MICAL2: variants seen among roughly 807,000 people sequenced by gnomAD.
The protein encoded by MICAL2 is [F-actin]-monooxygenase MICAL2.
MICAL2 carries 77 observed loss-of-function variants against 127.3 expected under a neutral mutation model. The observed-to-expected ratio is 0.60, with a 90% CI of 0.50 to 0.73. MICAL2 has a LOEUF of 0.73. Ranked by LOEUF, MICAL2 falls within the 30% of genes least tolerant of loss-of-function variation. The pLI is 0.00. For synonymous variants in MICAL2, 570 were observed against 551.1 expected (o/e 1.03, Z -0.48); for missense variants, 1,351 against 1,434.4 (o/e 0.94, Z 0.94).
chr11:12,238,814 C>G (rs981558308), intron 16 of MICAL2, among the ~76,000 whole-genome samples: 3 of 152,178 alleles, frequency 2.0e-5, no homozygotes, highest in Non-Finnish European at 4.4e-5. Context: ...TATGCAGGGA[C>G]AGTCTGTGCT....
At chr11:12,143,692 T>G (rs888347493) in intron 2 of MICAL2, among the ~76,000 whole-genome samples, 3 of 152,202 alleles carry the variant, frequency 2.0e-5, no homozygotes, top group African/African-American at 7.2e-5. Flanking sequence ...TGTGAGTTCC[T>G]GCGCAGATTG....
intron 29 of MICAL2, among the ~76,000 whole-genome samples, chr11:12,300,623 G>A (rs1413839611): frequency 6.6e-6 from 1 of 152,138 alleles, no homozygotes; most frequent in African/African-American, 2.4e-5. Flanking sequence ...CAGCTGACAA[G>A]CAGCAAGAAA....
At chr11:12,313,961 ATTTTT>A (rs60681621) in intron 29 of MICAL2, among the ~76,000 whole-genome samples, 20 of 43,780 alleles carry the variant, frequency 4.6e-4, no homozygotes, top group South Asian at 1.5e-3. Context: ...TCTTGGTCTG[ATTTTT>A]TTTTTTTTTT....
intron 34 of MICAL2, among the ~76,000 whole-genome samples, chr11:12,357,337 T>C (rs1493967): frequency 0.87 from 132,836 of 152,220 alleles, 58,169 homozygotes; most frequent in East Asian, 0.94. Flanking sequence ...TACTACTTGT[T>C]TCCTACTCTG....
intron 29 of MICAL2, among the ~76,000 whole-genome samples, chr11:12,307,348 GTT>G (rs939871135): frequency 6.6e-6 from 1 of 152,096 alleles, no homozygotes; most frequent in African/African-American, 2.4e-5. Context: ...TCAGATATAT[GTT>G]TGCAACATTC....
Position 12,110,971 on chromosome 11 carries a change from C to A in MICAL2, c.-149+245C>A, listed in dbSNP as rs1244507447. On this transcript the variant is annotated intron_variant, in intron 1 of 27. Transcript: ENST00000683283. This position sits in a 1 kb window ranked among gnomAD's most constrained non-coding sequence, Gnocchi z 4.5. ...GAACGCAATAAAAGCCTCCCACCGGCACGCCGAACTACCTCTTACTCCGCT... is the reference window on the plus strand; with the variant it reads ...GAACGCAATAAAAGCCTCCCACCGGAACGCCGAACTACCTCTTACTCCGCT... Among the ~76,000 whole-genome samples the A allele has an allele frequency of 1.3e-5, 2 of 152,200 alleles. No homozygotes were observed. Among genetic ancestry groups the A allele is most frequent in the African/African-American group, 4.8e-5 (2 of 41,458 alleles).
Position 12,223,464 on chromosome 11 carries a change from G to A in MICAL2, c.1503G>A (p.Leu501=). 1.9e-6 allele frequency: 3 copies of A among 1,614,074 alleles called. No individual in the cohort carries two copies. The highest frequency in any genetic ancestry group is 8.5e-7 in the Non-Finnish European group (1 of 1,180,010). ...TGGAGCACTACCCTCTCGAGAGACT[G>A]GGCTCGGTGAGGAGATCTGTCAACC... is the stretch of plus-strand genomic sequence containing the variant. The part of the protein sequence containing the change: ...KELEHYPLER[L]GSVRRSVNLS... Residue 501 remains leucine, a synonymous_variant, in exon 12 of 28, where the codon CTG becomes CTA. Coordinates refer to ENST00000683283, the MANE Select transcript of MICAL2 (RefSeq NM_001282663.2).
intron 8 of MICAL2, among the ~76,000 whole-genome samples, chr11:12,217,779 C>T (rs11827638): frequency 0.26 from 39,626 of 152,010 alleles, 5,748 homozygotes; most frequent in Non-Finnish European, 0.31. Flanking sequence ...TTCACCAAGG[C>T]CTTTCTTTCT....
chr11:12,293,695 A>G (rs1215118967), downstream of MICAL2: 2 of 1,614,030 alleles, frequency 1.2e-6, no homozygotes, highest in South Asian at 2.2e-5. Flanking sequence ...ACCCAAAGCC[A>G]GAGTGGGCAG....
intron 3 of MICAL2, among the ~76,000 whole-genome samples, chr11:12,175,461 G>C (rs532619727): frequency 6.6e-5 from 10 of 152,098 alleles, no homozygotes; most frequent in Non-Finnish European, 1.3e-4. Context: ...GGGCAACAGA[G>C]CAAGACTCTG....
intron 32 of MICAL2, among the ~76,000 whole-genome samples, chr11:12,342,223 G>T (rs1176550330): frequency 1.3e-5 from 2 of 152,220 alleles, no homozygotes; most frequent in African/African-American, 2.4e-5. Context: ...GCTGCGTCCT[G>T]GTTCCTAGCT....
At chr11:12,254,156 G>C (rs1861975796) in intron 22 of MICAL2, 2 of 152,206 alleles carry the variant, frequency 1.3e-5, no homozygotes, top group South Asian at 4.1e-4. Context: ...CTCTGCCTCA[G>C]GAACCAGGGG....
At chr11:12,195,508 A>G (rs1360545748) in intron 3 of MICAL2, among the ~76,000 whole-genome samples, 1 of 152,158 alleles carries the variant, frequency 6.6e-6, no homozygotes, top group Non-Finnish European at 1.5e-5. Flanking sequence ...GCTTCTCTAT[A>G]TATCTGAAAA....
intron 2 of MICAL2, among the ~76,000 whole-genome samples, chr11:12,160,689 G>A (rs987496207): frequency 1.3e-5 from 2 of 152,058 alleles, no homozygotes; most frequent in African/African-American, 4.8e-5. Context: ...TGGACTCCTC[G>A]AGGCTCTGTT....
rs370801575 is a variant in MICAL2, at chr11:12,224,742, A to G, written c.1610A>G (p.Asn537Ser). The G allele has an allele frequency of 3.1e-6, 5 of 1,614,052 alleles. No homozygotes were observed. Among genetic ancestry groups the G allele is most frequent in the African/African-American group, 2.7e-5 (2 of 74,930 alleles). ...CAGACAGAGGGCTACCAGCATGTCA[A>G]CGTCACCGACCTGACCACATCCTGG... ...QQQTEGYQHV[N>S]VTDLTTSWRS... Residue 537 changes from asparagine (N) to serine (S), a missense_variant, in exon 13 of 28, where the codon AAC becomes AGC. Asn to Ser is a conservative substitution (Grantham distance 46). Coordinates refer to ENST00000683283, the MANE Select transcript of MICAL2 (RefSeq NM_001282663.2).
At chr11:12,138,296 C>T (rs1475295379) in intron 1 of MICAL2, 94 bp from the exon 2 acceptor site, 1 of 152,216 alleles carries the variant, frequency 6.6e-6, no homozygotes, top group East Asian at 1.9e-4. Context: ...AGGCAGAGTG[C>T]ACAAGCATGC....
chr11:12,244,462 C>G (rs551003955), intron 21 of MICAL2, among the ~76,000 whole-genome samples: 1 of 152,316 alleles, frequency 6.6e-6, no homozygotes, highest in South Asian at 2.1e-4. Flanking sequence ...AAATAAGTGA[C>G]ATTTTTATAA....
chr11:12,244,029 T>C lies in MICAL2; in HGVS notation c.2701T>C (p.Ser901Pro). The C allele has an allele frequency of 6.2e-7, 1 of 1,613,764 alleles. No homozygotes were observed. Among genetic ancestry groups the C allele is most frequent in the South Asian group, 1.1e-5 (1 of 91,064 alleles). The change falls in exon 21 of 28, where the codon TCT becomes CCT. Residue 901 changes from serine to proline, a missense_variant. By Grantham distance (74) the Ser-to-Pro change is moderately conservative. This residue lies in a region of MICAL2 where 752 missense variants were observed against 719.4 expected (regional missense o/e 1.05). Transcript: ENST00000683283. ...SKGLSHTHPPSPPSRLPSPDP... is the reference protein window; with the variant it reads ...SKGLSHTHPPPPPSRLPSPDP... ...AGGCCTGTCTCATACTCATCCTCCATCTCCTCCCTCTCGCCTTCCGTCTCC... is the reference window on the plus strand; with the variant it reads ...AGGCCTGTCTCATACTCATCCTCCACCTCCTCCCTCTCGCCTTCCGTCTCC...
chr11:12,166,257 G>A (rs1855499079), intron 3 of MICAL2, among the ~76,000 whole-genome samples: 1 of 152,234 alleles, frequency 6.6e-6, no homozygotes, highest in African/African-American at 2.4e-5. Flanking sequence ...GAAAGCTGAA[G>A]AGAGTGGCAT....
Sources: allele counts gnomAD v4.1 joint callset (sites outside exome capture counted in the v4.1 genomes callset), GRCh38; gene constraint gnomAD v4.1.1; regional missense constraint gnomAD v4.1.1; non-coding constraint Gnocchi (gnomAD v3.1); transcripts MANE v1.5; gene names NCBI Gene and HGNC (gene_info 2026-07-23, HGNC 2026-07-21).